The following HIPK3 variants were observed in gnomAD, a reference collection of about 807,000 sequenced individuals.
The protein encoded by HIPK3 is homeodomain interacting protein kinase 3, also known as homeodomain-interacting protein kinase 3.
HIPK3 carries 47 observed loss-of-function variants against 124.2 expected under a neutral mutation model. The ratio of observed to expected loss-of-function variants is 0.38; its 90% CI spans 0.30 to 0.48. The LOEUF (loss-of-function observed/expected upper bound fraction) is 0.48. Ranked by LOEUF, HIPK3 falls within the 20% of genes least tolerant of loss-of-function variation. The probability of loss-of-function intolerance (pLI) is 0.98; values close to 1 mark genes in which losing one functional copy is unlikely to be tolerated. For missense variants in HIPK3, 1,286 were observed against 1,454.3 expected (o/e 0.88, Z 1.88); for synonymous variants, 482 against 515.2 (o/e 0.94, Z 0.87).
intron 1 of HIPK3, among the ~76,000 whole-genome samples, chr11:33,285,524 T>C (rs1851522796): frequency 1.3e-5 from 2 of 151,256 alleles, no homozygotes; most frequent in East Asian, 3.9e-4. Context: ...CCTAATTTTA[T>C]TTAAAATCCC....
chr11:33,338,527 C>G (rs765865960), intron 4 of HIPK3, among the ~76,000 whole-genome samples: 3 of 152,168 alleles, frequency 2.0e-5, no homozygotes, highest in Non-Finnish European at 2.9e-5. Flanking sequence ...CCGCCGTGCC[C>G]GGCCTAGTTA....
chr11:33,347,936 G>C lies in HIPK3; in HGVS notation c.2229G>C (p.Gln743His), dbSNP rs775773329. The C allele has an allele frequency of 1.6e-5, 26 of 1,614,102 alleles. No individual in the cohort carries two copies. In the East Asian group the frequency reaches 5.8e-4, roughly 36 times the overall value. ...ATCAGATAACTTTATCTGCCCCTCA[G>C]CCAGTTAGTGTGGGGATTGCACATG... ...LTNQITLSAP[Q>H]PVSVGIAHVV... Residue 743 changes from glutamine (Q) to histidine (H), a missense_variant, in exon 11 of 17, where the codon CAG (glutamine) becomes CAC (histidine). Coordinates refer to ENST00000303296, the MANE Select transcript of HIPK3 (RefSeq NM_005734.5).
intron 2 of HIPK3, among the ~76,000 whole-genome samples, chr11:33,312,487 G>A (rs1401828414): frequency 6.6e-6 from 1 of 152,108 alleles, no homozygotes; most frequent in African/African-American, 2.4e-5. Context: ...TATTTGGGGA[G>A]CATTATGTCT....
At chr11:33,276,267 T>C (rs1851267324) in intron 1 of HIPK3, among the ~76,000 whole-genome samples, 1 of 152,248 alleles carries the variant, frequency 6.6e-6, no homozygotes, top group African/African-American at 2.4e-5. Flanking sequence ...TCAGTTGTTG[T>C]ATCTCTTTAG....
chr11:33,293,579 C>T (rs541451616), intron 2 of HIPK3, among the ~76,000 whole-genome samples: 3 of 151,912 alleles, frequency 2.0e-5, no homozygotes, highest in Admixed American at 1.3e-4. Flanking sequence ...CAAGGTTCAT[C>T]CATGTTGTAG....
At chr11:33,329,558 A>G (rs1852911537) in intron 3 of HIPK3, among the ~76,000 whole-genome samples, 1 of 152,192 alleles carries the variant, frequency 6.6e-6, no homozygotes, top group African/African-American at 2.4e-5. Context: ...TGTTCCTGAG[A>G]TGACTCTGTC....
intron 2 of HIPK3, among the ~76,000 whole-genome samples, chr11:33,321,345 A>C (rs1401332104): frequency 1.3e-5 from 2 of 152,204 alleles, no homozygotes; most frequent in Non-Finnish European, 2.9e-5. Flanking sequence ...GCTTTCAAGA[A>C]GGATTGGTGT....
rs760119269 is a variant in HIPK3, at chr11:33,287,519, A to G, written c.1097+8A>G. ...ACAATCTCGGTACTACAGGTAGGTA[A>G]CAACTCCATACTTTTTGGTTGTTTA... is the stretch of plus-strand genomic sequence containing the variant. On this transcript the variant is annotated splice_region_variant and intron_variant, in intron 2 of 16. Transcript: ENST00000303296. 3.1e-6 allele frequency: 5 copies of G among 1,589,750 alleles called. No homozygotes were observed. In the East Asian group the frequency reaches 9.0e-5, roughly 29 times the overall value.
intron 1 of HIPK3, among the ~76,000 whole-genome samples, chr11:33,259,836 AG>A (rs1850777836): frequency 8.0e-6 from 1 of 125,102 alleles, no homozygotes; most frequent in South Asian, 2.8e-4. Flanking sequence ...CTAAGAAAAA[AG>A]TATTTGTGGA....
Position 33,353,249 on chromosome 11 carries a change from C to A in HIPK3, c.3329C>A (p.Thr1110Lys). ...TAVHAHLAGN[T>K]HLGGQPTLLP... The stretch of plus-strand genomic sequence containing the variant: ...GTGCATGCCCACCTGGCTGGAAATA[C>A]ACACCTCGGAGGACAGCCTACTCTA... Residue 1110 changes from threonine to lysine, a missense_variant, in exon 17 of 17, where the codon ACA becomes AAA. Transcript: ENST00000303296. 6.2e-7 allele frequency: 1 copy of A among 1,614,164 alleles called. No individual in the cohort carries two copies. Among genetic ancestry groups the A allele is most frequent in the Non-Finnish European group, 8.5e-7 (1 of 1,180,026 alleles).
At chr11:33,276,549 A>C (rs1818683096) in intron 1 of HIPK3, among the ~76,000 whole-genome samples, 1 of 152,172 alleles carries the variant, frequency 6.6e-6, no homozygotes. Flanking sequence ...CGTGGCAAAT[A>C]TTTTAGGCTT....
At position 33,257,703 on chromosome 11, in the gene HIPK3, T is replaced by C; in HGVS notation, c.-189T>C. ...CAGCAGCAGCGGTCGGGGGAGGGTG[T>C]TTCGCCGTTTCCTCTCAGCCGCCAG... On this transcript the variant is annotated 5_prime_UTR_variant, in exon 1 of 17. Coordinates refer to ENST00000303296, the MANE Select transcript of HIPK3 (RefSeq NM_005734.5). 3.0e-6 allele frequency: 3 copies of C among 990,716 alleles called. No individual in the cohort carries two copies. The highest frequency in any genetic ancestry group is 5.0e-4 in the Middle Eastern group (1 of 1,982). 61.4% of individuals were successfully genotyped at this position (990,716 alleles called of 1,614,324 possible). A position where few individuals can be genotyped will look rare whatever the true frequency, so the allele number is the denominator to read the frequency against.
intron 1 of HIPK3, 87 bp from the exon 2 acceptor site, chr11:33,286,326 T>A: frequency 1.7e-6 from 2 of 1,211,032 alleles, no homozygotes; most frequent in Non-Finnish European, 1.1e-6. Flanking sequence ...GTTTTCTTCC[T>A]GATATTTAAA....
rs968205527 is a variant in HIPK3, at chr11:33,323,329, T to C, written c.1098-5181T>C. On this transcript the variant is annotated intron_variant, in intron 2 of 16. Coordinates refer to ENST00000303296, the MANE Select transcript of HIPK3 (RefSeq NM_005734.5). ...TGTGATCTTGGCTCACTGCAACCTT[T>C]GCCTCCCAGTCTCAAGCAATTCTTC... Among the ~76,000 whole-genome samples the C allele has an allele frequency of 1.1e-4, 17 of 152,118 alleles. 1 individual carries two copies.
intron 1 of HIPK3, among the ~76,000 whole-genome samples, chr11:33,284,317 A>G (rs568295874): frequency 6.6e-6 from 1 of 152,328 alleles, no homozygotes; most frequent in Admixed American, 6.5e-5. Flanking sequence ...AGATATATAC[A>G]CTGACAATTA....
chr11:33,349,347 TTC>T, intron 14 of HIPK3, 60 bp downstream of exon 14: 1 of 1,396,058 alleles, frequency 7.2e-7, no homozygotes, highest in Non-Finnish European at 9.8e-7. Flanking sequence ...AGCCTACGAT[TTC>T]TTTCTGTTGT....
At chr11:33,311,999 A>ACACACACCC (rs1852364140) in intron 2 of HIPK3, among the ~76,000 whole-genome samples, 1 of 71,548 alleles carries the variant, frequency 1.4e-5, no homozygotes, top group Non-Finnish European at 3.3e-5. Flanking sequence ...CACACACACC[A>ACACACACCC]CGAAAAAATA....
chr11:33,312,494 GTC>G (rs1852379000), intron 2 of HIPK3, among the ~76,000 whole-genome samples: 1 of 152,142 alleles, frequency 6.6e-6, no homozygotes, highest in Non-Finnish European at 1.5e-5. Context: ...GGAGCATTAT[GTC>G]TCTATATTTT....
At chr11:33,280,466 T>G (rs1851382516) in intron 1 of HIPK3, among the ~76,000 whole-genome samples, 1 of 152,164 alleles carries the variant, frequency 6.6e-6, no homozygotes, top group Non-Finnish European at 1.5e-5. Flanking sequence ...AGTTAATAAG[T>G]AATTTATAGG....
Sources: allele counts gnomAD v4.1 joint callset (sites outside exome capture counted in the v4.1 genomes callset), GRCh38; gene constraint gnomAD v4.1.1; transcripts MANE v1.5; gene names NCBI Gene and HGNC (gene_info 2026-07-23, HGNC 2026-07-21).